Variants in PHACTR4 observed in about 807,000 individuals in gnomAD.
PHACTR4 encodes phosphatase and actin regulator 4, also known as protein phosphatase 1, regulatory subunit 124.
PHACTR4 carries 51 observed loss-of-function variants against 72.7 expected under a neutral mutation model. The ratio of observed to expected loss-of-function variants is 0.70; its 90% CI spans 0.56 to 0.89. The LOEUF (loss-of-function observed/expected upper bound fraction) is 0.89, where lower values mean the gene tolerates loss of function less well. PHACTR4 is among the 40% of genes least tolerant of loss of function. PHACTR4 has a pLI of 0.00. For synonymous variants in PHACTR4, 255 were observed against 302.5 expected (o/e 0.84, Z 1.63); for missense variants, 731 against 861.8 (o/e 0.85, Z 1.90).
chr1:28,380,995 CATT>C (rs937802264), intron 1 of PHACTR4, among the ~76,000 whole-genome samples: 1 of 148,176 alleles, frequency 6.7e-6, no homozygotes, highest in African/African-American at 2.6e-5. Flanking sequence ...ATCTCGCCAG[CATT>C]ATTTTTTGAA....
intron 2 of PHACTR4, among the ~76,000 whole-genome samples, chr1:28,445,147 G>T (rs984832610): frequency 1.3e-5 from 2 of 151,476 alleles, no homozygotes. Flanking sequence ...TAGAGACGGG[G>T]TTTCACCATC....
intron 2 of PHACTR4, among the ~76,000 whole-genome samples, chr1:28,449,139 T>C (rs1227788653): frequency 2.0e-5 from 3 of 151,948 alleles, no homozygotes; most frequent in African/African-American, 7.3e-5. Context: ...TGAGACACTG[T>C]CTCAAAACAA....
chr1:28,472,971 G>C (rs1659665414), intron 6 of PHACTR4, among the ~76,000 whole-genome samples: 1 of 150,564 alleles, frequency 6.6e-6, no homozygotes. Flanking sequence ...ACTACACCAA[G>C]ATCAAGTTAC....
At chr1:28,390,056 T>G (rs917196763) in intron 1 of PHACTR4, among the ~76,000 whole-genome samples, 3 of 152,204 alleles carry the variant, frequency 2.0e-5, no homozygotes, top group African/African-American at 7.2e-5. Context: ...GGGAATCTTG[T>G]CATTTGGGAC....
At chr1:28,381,027 G>A (rs946333468) in intron 1 of PHACTR4, among the ~76,000 whole-genome samples, 1 of 144,304 alleles carries the variant, frequency 6.9e-6, no homozygotes, top group African/African-American at 2.6e-5. Context: ...TTTTTTTTCC[G>A]AGACAGAGTC....
intron 2 of PHACTR4, among the ~76,000 whole-genome samples, chr1:28,444,251 G>A: frequency 1.1e-5 from 1 of 94,148 alleles, no homozygotes; most frequent in Admixed American, 1.7e-4. Context: ...TTTTGAGACA[G>A]AGTCTTGCTC....
chr1:28,426,964 T>C (rs983682358), intron 2 of PHACTR4, among the ~76,000 whole-genome samples: 8 of 152,228 alleles, frequency 5.3e-5, no homozygotes, highest in Non-Finnish European at 7.4e-5. Flanking sequence ...TGTAGTCATA[T>C]GTAGCTAGCT....
In PHACTR4 at chr1:28,496,753, TG is replaced by T; in HGVS notation, c.*205del. 1 of 630,152 alleles carries T rather than the reference TG, an allele frequency of 1.6e-6. No individual in the cohort carries two copies. The highest frequency in any genetic ancestry group is 2.8e-4 in the Middle Eastern group (1 of 3,556). The allele number at this position is 630,152 out of a possible 1,614,324, so 39.0% of individuals were successfully genotyped here. On this transcript the variant is annotated 3_prime_UTR_variant, in exon 14 of 14. Coordinates refer to ENST00000373839, the MANE Select transcript of PHACTR4 (RefSeq NM_001048183.3). ...CGGGGGCAAAACAACACTTTGTCAG[TG>T]CTTTTGAACCTTTCAATATTGTAGC...
At chr1:28,450,812 C>CGTTTT (rs200809019) in intron 2 of PHACTR4, among the ~76,000 whole-genome samples, 15,174 of 149,884 alleles carry the variant, frequency 0.1, 1,794 homozygotes, top group African/African-American at 0.29. Flanking sequence ...GTGTGGTTTT[C>CGTTTT]GTTTTGTTTT....
intron 1 of PHACTR4, among the ~76,000 whole-genome samples, chr1:28,396,339 C>A (rs562617912): frequency 6.6e-6 from 1 of 151,770 alleles, no homozygotes; most frequent in Non-Finnish European, 1.5e-5. Context: ...CAAGACCAGC[C>A]TGGCCAACAT....
At chr1:28,483,026 T>A (rs1660377763) in intron 9 of PHACTR4, among the ~76,000 whole-genome samples, 1 of 152,078 alleles carries the variant, frequency 6.6e-6, no homozygotes. Context: ...AGACACTTTT[T>A]GGATCCAGAA....
intron 1 of PHACTR4, among the ~76,000 whole-genome samples, chr1:28,385,617 T>TAA (rs1557777997): frequency 1.4e-4 from 21 of 146,870 alleles, no homozygotes; most frequent in African/African-American, 2.5e-5. Flanking sequence ...TAAGTGAATT[T>TAA]TTTTTTTTTT....
At chr1:28,378,374 A>G (rs952202068) in intron 1 of PHACTR4, among the ~76,000 whole-genome samples, 4 of 143,884 alleles carry the variant, frequency 2.8e-5, no homozygotes, top group African/African-American at 1.0e-4. Flanking sequence ...TGTGGTGGCA[A>G]GTGCCTGTAA....
rs1194075558 is a variant in PHACTR4, at chr1:28,459,130, G to C, written c.62G>C (p.Ser21Thr). The C allele has an allele frequency of 6.2e-7, 1 of 1,614,048 alleles. No homozygotes were observed. Among genetic ancestry groups the C allele is most frequent in the Non-Finnish European group, 8.5e-7 (1 of 1,179,994 alleles). Reference protein sequence around the residue: ...PTTEPGMVLDSVEAGDTTPPT... With the variant: ...PTTEPGMVLDTVEAGDTTPPT... ...ACAGAGCCAGGCATGGTCCTGGACA[G>C]TGTGGAAGCAGGAGACACAACACCT... Residue 21 changes from serine to threonine, a missense_variant, in exon 3 of 14, where the codon AGT becomes ACT. Ser to Thr is a moderately conservative substitution (Grantham distance 58). Around this residue, in one of 2 missense-constraint regions of PHACTR4, gnomAD observed 621 missense variants for 676.6 expected, o/e 0.92. Transcript: ENST00000373839.
At chr1:28,473,422 A>G in intron 6 of PHACTR4, 132 bp from the exon 7 acceptor site, 2 of 711,390 alleles carry the variant, frequency 2.8e-6, no homozygotes, top group Non-Finnish European at 4.8e-6. Flanking sequence ...TATATAGGGA[A>G]TGGCAAAACT....
At chr1:28,431,342 G>A (rs1342326249) in intron 2 of PHACTR4, among the ~76,000 whole-genome samples, 1 of 150,030 alleles carries the variant, frequency 6.7e-6, no homozygotes, top group Non-Finnish European at 1.5e-5. Flanking sequence ...CTACAGGCAC[G>A]TGCCACCATG....
At chr1:28,487,201 C>G (rs1382319839) in intron 9 of PHACTR4, among the ~76,000 whole-genome samples, 1 of 151,840 alleles carries the variant, frequency 6.6e-6, no homozygotes, top group Admixed American at 6.6e-5. Flanking sequence ...GCCATCTCTA[C>G]TAAAACTACA....
intron 9 of PHACTR4, 89 bp downstream of exon 9, chr1:28,480,693 T>C (rs1254549421): frequency 6.6e-7 from 1 of 1,524,780 alleles, no homozygotes; most frequent in East Asian, 2.3e-5. Context: ...TTTGTGTGTG[T>C]TTTGTTTCGT....
chr1:28,455,740 C>T (rs1177097460), intron 2 of PHACTR4, among the ~76,000 whole-genome samples: 3 of 151,908 alleles, frequency 2.0e-5, no homozygotes, highest in Admixed American at 6.6e-5. Context: ...GGACAGATTT[C>T]GGAGTCTTGG....
Sources: allele counts gnomAD v4.1 joint callset (sites outside exome capture counted in the v4.1 genomes callset), GRCh38; gene constraint gnomAD v4.1.1; regional missense constraint gnomAD v4.1.1; transcripts MANE v1.5; gene names NCBI Gene and HGNC (gene_info 2026-07-23, HGNC 2026-07-21).